The following NME7 variants were observed in gnomAD, a reference collection of about 807,000 sequenced individuals.
NME7 encodes NME/NM23 family member 7.
In NME7, 41 loss-of-function variants were observed where a neutral mutation model predicts 49.1. The observed-to-expected ratio is 0.83, with a 90% CI of 0.65 to 1.08. NME7 has a LOEUF of 1.08. Among genes scored for constraint, NME7 ranks in the 50% least tolerant of loss-of-function variants. The pLI, the probability that NME7 is intolerant of heterozygous loss-of-function variation, is 0.00. For missense variants in NME7, 423 were observed against 463.4 expected (o/e 0.91, Z 0.80); for synonymous variants, 139 against 150.6 (o/e 0.92, Z 0.56).
chr1:169,347,271 G>A (rs900605209), intron 1 of NME7, among the ~76,000 whole-genome samples: 1 of 152,110 alleles, frequency 6.6e-6, no homozygotes, highest in African/African-American at 2.4e-5. Context: ...GCCAATTATT[G>A]GGGTAGTGAG....
intron 1 of NME7, among the ~76,000 whole-genome samples, chr1:169,353,594 T>C (rs1398104237): frequency 6.6e-6 from 1 of 151,706 alleles, no homozygotes; most frequent in Non-Finnish European, 1.5e-5. Context: ...CAGGAAACAA[T>C]CAACAAAGTC....
intron 7 of NME7, among the ~76,000 whole-genome samples, chr1:169,251,286 C>G (rs1411813860): frequency 6.6e-6 from 1 of 151,972 alleles, no homozygotes; most frequent in East Asian, 1.9e-4. Flanking sequence ...TGATATAAGA[C>G]TACCTACTCC....
At chr1:169,272,127 CAAATAT>C (rs1182239355) in intron 7 of NME7, among the ~76,000 whole-genome samples, 1 of 131,464 alleles carries the variant, frequency 7.6e-6, no homozygotes, top group African/African-American at 2.5e-5. Flanking sequence ...TGTTATATAT[CAAATAT>C]AAATATATAA....
At chr1:169,345,116 TA>T (rs1398140134) in intron 1 of NME7, among the ~76,000 whole-genome samples, 5 of 152,216 alleles carry the variant, frequency 3.3e-5, no homozygotes, top group Non-Finnish European at 7.3e-5. Context: ...TTTAATGGGA[TA>T]AAGTTGTTCA....
At chr1:169,294,176 A>G (rs1650620995) in intron 6 of NME7, among the ~76,000 whole-genome samples, 1 of 152,098 alleles carries the variant, frequency 6.6e-6, no homozygotes, top group Non-Finnish European at 1.5e-5. Flanking sequence ...ATCCTCAAAG[A>G]CCTCTATAAT....
chr1:169,209,210 C>T (rs1336820835), intron 10 of NME7, among the ~76,000 whole-genome samples: 1 of 152,010 alleles, frequency 6.6e-6, no homozygotes, highest in South Asian at 2.1e-4. Context: ...TAGGGGGTTC[C>T]AAATTTACTA....
intron 6 of NME7, among the ~76,000 whole-genome samples, chr1:169,291,043 C>A (rs571754462): frequency 1.3e-5 from 2 of 152,082 alleles, no homozygotes; most frequent in Non-Finnish European, 2.9e-5. Context: ...GAAATAGAAA[C>A]GCTTTTACAC....
chr1:169,234,601 GGTAATA>G (rs1445326805), intron 9 of NME7, among the ~76,000 whole-genome samples: 3 of 151,962 alleles, frequency 2.0e-5, no homozygotes, highest in African/African-American at 7.2e-5. Flanking sequence ...TCATAAGGTA[GGTAATA>G]GCATTATTCC....
intron 1 of NME7, among the ~76,000 whole-genome samples, chr1:169,324,807 T>C (rs1222201756): frequency 6.6e-6 from 1 of 152,228 alleles, no homozygotes; most frequent in Non-Finnish European, 1.5e-5. Context: ...GATTTTACTA[T>C]TGTAACAATT....
At chr1:169,312,785 T>C (rs569070072) in intron 3 of NME7, among the ~76,000 whole-genome samples, 18 of 152,326 alleles carry the variant, frequency 1.2e-4, no homozygotes, top group Admixed American at 2.6e-4. Context: ...GATAGTACAG[T>C]GCTATTAAAC....
chr1:169,242,635 T>G (rs888494653), intron 7 of NME7, among the ~76,000 whole-genome samples: 2 of 151,510 alleles, frequency 1.3e-5, no homozygotes, highest in African/African-American at 2.4e-5. Context: ...AATATAACTG[T>G]CTCTATTTGT....
chr1:169,361,780 TAA>T (rs1365379479), intron 1 of NME7, among the ~76,000 whole-genome samples: 5 of 124,590 alleles, frequency 4.0e-5, no homozygotes, highest in Admixed American at 8.0e-5. Flanking sequence ...AAACTCTGTC[TAA>T]AAAAAAAAAA....
intron 11 of NME7, among the ~76,000 whole-genome samples, chr1:169,143,361 T>G (rs1035821564): frequency 4.6e-5 from 7 of 150,904 alleles, no homozygotes; most frequent in Non-Finnish European, 7.4e-5. Flanking sequence ...CTTTAGCAAG[T>G]GCTATTTTCT....
intron 11 of NME7, among the ~76,000 whole-genome samples, chr1:169,164,443 G>C (rs979760937): frequency 2.0e-5 from 3 of 152,122 alleles, no homozygotes; most frequent in Non-Finnish European, 2.9e-5. Flanking sequence ...ATCATTTGTT[G>C]AGCAATTACT....
At chr1:169,211,992 T>G (rs1660835760) in intron 10 of NME7, among the ~76,000 whole-genome samples, 1 of 152,156 alleles carries the variant, frequency 6.6e-6, no homozygotes, top group Non-Finnish European at 1.5e-5. Context: ...GTTTCTTCTT[T>G]TTATATTCAC....
At chr1:169,312,406 G>C (rs146903859) in intron 3 of NME7, among the ~76,000 whole-genome samples, 2 of 152,192 alleles carry the variant, frequency 1.3e-5, no homozygotes, top group Non-Finnish European at 2.9e-5. Context: ...GATTCATTGA[G>C]AGCCATCAGT....
chr1:169,320,883 AT>A (rs1428621203), intron 3 of NME7, among the ~76,000 whole-genome samples: 3 of 152,176 alleles, frequency 2.0e-5, no homozygotes, highest in Non-Finnish European at 4.4e-5. Context: ...ATTTGCCAGC[AT>A]ATTAATTAGA....
At chr1:169,338,161 C>CT (rs370777998) in intron 1 of NME7, among the ~76,000 whole-genome samples, 3,863 of 152,236 alleles carry the variant, frequency 0.025, 138 homozygotes, top group African/African-American at 0.086. Flanking sequence ...TCTTTAAACA[C>CT]TAAGTATACC....
intron 3 of NME7, among the ~76,000 whole-genome samples, chr1:169,322,051 A>G (rs1651868384): frequency 6.6e-6 from 1 of 152,226 alleles, no homozygotes; most frequent in Admixed American, 6.5e-5. Context: ...AGTCTCAGAA[A>G]GTTGAAATTC....
Sources: gnomAD v4.1 joint callset for allele counts (sites outside exome capture counted in the v4.1 genomes callset) on GRCh38, gnomAD v4.1.1 for gene constraint, MANE v1.5 for transcripts, NCBI Gene and HGNC (gene_info 2026-07-23, HGNC 2026-07-21) for gene names.